Variants in TRHDE observed in about 807,000 individuals in gnomAD.
TRHDE encodes thyrotropin releasing hormone degrading enzyme.
TRHDE carries 72 observed loss-of-function variants against 125.7 expected under a neutral mutation model. The ratio of observed to expected loss-of-function variants is 0.57; its 90% CI spans 0.47 to 0.70. TRHDE has a LOEUF of 0.70. Ranked by LOEUF, TRHDE falls within the 30% of genes least tolerant of loss-of-function variation. The pLI, the probability that TRHDE is intolerant of heterozygous loss-of-function variation, is 0.00. For missense variants in TRHDE, 1,110 were observed against 1,327.1 expected, an observed-to-expected ratio of 0.84 and a Z score of 2.54; for synonymous variants, 509 against 509.1, an observed-to-expected ratio of 1.00 and a Z score of 0.00.
In TRHDE at chr12:72,339,109, G is replaced by T. The variant is rs543993182; in HGVS notation, c.1189-38886G>T. 1.7e-3 allele frequency among the ~76,000 whole-genome samples: 263 copies of T among 152,102 alleles called. 4 individuals are homozygous for T. Among genetic ancestry groups the T allele is most frequent in the South Asian group, 9.3e-3 (45 of 4,814 alleles). On this transcript the variant is annotated intron_variant, in intron 2 of 18. Coordinates refer to ENST00000261180, the MANE Select transcript of TRHDE (RefSeq NM_013381.3). ...CTCACTTTAACTGAATTTCCAGCAC[G>T]GTGGAGCAATCCCTATGTAAAAGTC...
At chr12:72,636,612 C>G (rs1274652282) in intron 15 of TRHDE, among the ~76,000 whole-genome samples, 1 of 152,008 alleles carries the variant, frequency 6.6e-6, no homozygotes, top group Non-Finnish European at 1.5e-5. Context: ...CCAGTTTTTG[C>G]CCATTCAGTA....
At chr12:72,490,423 C>T (rs539848014) in intron 5 of TRHDE, among the ~76,000 whole-genome samples, 10 of 151,724 alleles carry the variant, frequency 6.6e-5, no homozygotes, top group African/African-American at 2.2e-4. Flanking sequence ...GTTTCTTAAA[C>T]GATTAAAAAT....
intron 12 of TRHDE, among the ~76,000 whole-genome samples, chr12:72,606,376 C>A (rs1483120930): frequency 1.3e-5 from 2 of 152,146 alleles, no homozygotes; most frequent in Admixed American, 6.5e-5. Flanking sequence ...ATGTAGGGAA[C>A]AAATCAAGGT....
In TRHDE at chr12:72,514,858, A is replaced by G. The variant is rs1437082005; in HGVS notation, c.1722+15223A>G. 2.4e-4 allele frequency among the ~76,000 whole-genome samples: 33 copies of G among 136,268 alleles called. 1 individual carries two copies. The highest frequency in any genetic ancestry group is 2.3e-3 in the East Asian group (10 of 4,350). 89.4% of individuals were successfully genotyped at this position (136,268 alleles called of 152,430 possible). A position where few individuals can be genotyped will look rare whatever the true frequency, so the allele number is the denominator to read the frequency against. On this transcript the variant is annotated intron_variant, in intron 6 of 18. Coordinates refer to ENST00000261180, the MANE Select transcript of TRHDE (RefSeq NM_013381.3). Reference sequence around the variant, plus strand: ...TGTGTCCATGTGTTCTCATTGTTCAATTCCCACCTATGAGTGAGAATATGT... The same window carrying G: ...TGTGTCCATGTGTTCTCATTGTTCAGTTCCCACCTATGAGTGAGAATATGT...
chr12:72,426,318 A>G (rs1274093902), intron 3 of TRHDE, among the ~76,000 whole-genome samples: 1 of 152,128 alleles, frequency 6.6e-6, no homozygotes, highest in Admixed American at 6.6e-5. Flanking sequence ...GGGGCTTCCT[A>G]TTCTACATGT....
At position 72,582,594 on chromosome 12, in the gene TRHDE, C is replaced by T. The variant is rs528666979; in HGVS notation, c.2321+7052C>T. ...TAATGTGCCTGAAAAGCAAGTGCACCCTGACCCTGGCTAGATGAGTAGCAG... is the reference window on the plus strand; with the variant it reads ...TAATGTGCCTGAAAAGCAAGTGCACTCTGACCCTGGCTAGATGAGTAGCAG... On this transcript the variant is annotated intron_variant, in intron 12 of 18. Transcript: ENST00000261180. 5.1e-6 allele frequency: 5 copies of T among 985,300 alleles called. No individual in the cohort carries two copies. In the East Asian group the frequency reaches 4.5e-4, roughly 89 times the overall value. 61.0% of individuals were successfully genotyped at this position (985,300 alleles called of 1,614,324 possible). A position where few individuals can be genotyped will look rare whatever the true frequency, so the allele number is the denominator to read the frequency against.
chr12:72,417,000 T>C (rs563833356), intron 3 of TRHDE, among the ~76,000 whole-genome samples: 1 of 152,248 alleles, frequency 6.6e-6, no homozygotes, highest in South Asian at 2.1e-4. Flanking sequence ...TCCATGAACA[T>C]GGAATATCTG....
chr12:72,244,337 G>A (rs551383932), intron 2 of TRHDE, among the ~76,000 whole-genome samples: 1 of 152,172 alleles, frequency 6.6e-6, no homozygotes, highest in South Asian at 2.1e-4. Flanking sequence ...GTTGGGTATT[G>A]TAAATTATGC....
intron 1 of TRHDE, chr12:72,274,094 CA>C (rs1389497726): frequency 1.3e-5 from 2 of 153,136 alleles, no homozygotes; most frequent in African/African-American, 4.8e-5. Flanking sequence ...TTGGCTGCGT[CA>C]AGTTTCCCCA....
At chr12:72,431,938 G>A (rs1385965382) in intron 3 of TRHDE, 1 of 199,768 alleles carries the variant, frequency 5.0e-6, no homozygotes, top group Admixed American at 4.5e-5. Flanking sequence ...CAAATTTCAC[G>A]GAGTGCCACA....
intron 3 of TRHDE, among the ~76,000 whole-genome samples, chr12:72,399,004 G>A (rs913300493): frequency 2.1e-4 from 32 of 152,196 alleles, no homozygotes; most frequent in Non-Finnish European, 1.5e-5. Context: ...GAGCATTACT[G>A]CCAGAGCTCT....
chr12:72,293,169 A>G (rs1027598991), intron 2 of TRHDE, among the ~76,000 whole-genome samples: 1 of 150,610 alleles, frequency 6.6e-6, no homozygotes, highest in Non-Finnish European at 1.5e-5. Flanking sequence ...TATTAATAGC[A>G]TGGTGGTCTA....
intron 7 of TRHDE, among the ~76,000 whole-genome samples, chr12:72,551,758 C>A (rs1869684538): frequency 1.3e-5 from 2 of 151,904 alleles, no homozygotes; most frequent in Admixed American, 1.3e-4. Flanking sequence ...TAGGAAAAAA[C>A]AAATAAATAT....
intron 2 of TRHDE, among the ~76,000 whole-genome samples, chr12:72,157,284 T>A (rs1876537290): frequency 6.6e-6 from 1 of 152,072 alleles, no homozygotes; most frequent in African/African-American, 2.4e-5. Flanking sequence ...TTGAAGGGCA[T>A]GGTGAGGGTT....
intron 12 of TRHDE, among the ~76,000 whole-genome samples, chr12:72,607,609 A>G (rs1872501155): frequency 1.3e-5 from 2 of 152,182 alleles, no homozygotes; most frequent in East Asian, 1.9e-4. Flanking sequence ...CATAGTGACC[A>G]ATTATTTTGT....
At chr12:72,403,389 T>A (rs1873129604) in intron 3 of TRHDE, among the ~76,000 whole-genome samples, 1 of 152,262 alleles carries the variant, frequency 6.6e-6, no homozygotes, top group Admixed American at 6.5e-5. Context: ...CCTTTTTTCA[T>A]CCAATACACT....
chr12:72,272,633 G>A lies in TRHDE; in HGVS notation c.-11G>A. ...GCCAGAGGGGGCGGGGGAGGAGGAG[G>A]AGGCGGTGTGATGGCCCTGGACGGC... On this transcript the variant is annotated 5_prime_UTR_variant, in exon 1 of 19. Coordinates refer to ENST00000261180, the MANE Select transcript of TRHDE (RefSeq NM_013381.3). This position sits in a 1 kb window ranked among gnomAD's most constrained non-coding sequence, Gnocchi z 6.7. 1 of 971,612 alleles carries A rather than the reference G, an allele frequency of 1.0e-6. No homozygotes were observed. The highest frequency in any genetic ancestry group is 1.5e-6 in the Non-Finnish European group (1 of 686,404). 60.2% of individuals were successfully genotyped at this position (971,612 alleles called of 1,614,324 possible). A position where few individuals can be genotyped will look rare whatever the true frequency, so the allele number is the denominator to read the frequency against.
At chr12:72,647,728 T>C (rs1023892325) in intron 15 of TRHDE, among the ~76,000 whole-genome samples, 3 of 152,042 alleles carry the variant, frequency 2.0e-5, no homozygotes, top group Non-Finnish European at 4.4e-5. Flanking sequence ...CAATGAAGAA[T>C]TGGCAAGTCT....
At chr12:72,434,229 A>G (rs1874633054) in intron 3 of TRHDE, among the ~76,000 whole-genome samples, 1 of 151,810 alleles carries the variant, frequency 6.6e-6, no homozygotes, top group Admixed American at 6.6e-5. Flanking sequence ...TACTAAAAAT[A>G]CAAAAATTAG....
Sources: gnomAD v4.1 joint callset for allele counts (sites outside exome capture counted in the v4.1 genomes callset) on GRCh38, gnomAD v4.1.1 for gene constraint, Gnocchi (gnomAD v3.1) non-coding constraint, MANE v1.5 for transcripts, NCBI Gene and HGNC (gene_info 2026-07-23, HGNC 2026-07-21) for gene names.